NPAS3: variants seen among roughly 807,000 people sequenced by gnomAD.
NPAS3 encodes the protein neuronal PAS domain-containing protein 3.
NPAS3 carries 14 observed loss-of-function variants against 73.1 expected under a neutral mutation model. The ratio of observed to expected loss-of-function variants is 0.19; its 90% confidence interval spans 0.13 to 0.30. The LOEUF is 0.30. Among genes scored for constraint, NPAS3 ranks in the 10% least tolerant of loss-of-function variants. The pLI, the probability that NPAS3 is intolerant of heterozygous loss-of-function variation, is 1.00. For synonymous variants in NPAS3, 620 were observed against 541.5 expected, an observed-to-expected ratio of 1.14 and a Z score of -2.01; for missense variants, 1,096 against 1,250.0, an observed-to-expected ratio of 0.88 and a Z score of 1.86.
chr14:33,133,654 C>A (rs911170705), intron 2 of NPAS3, among the ~76,000 whole-genome samples: 1 of 152,110 alleles, frequency 6.6e-6, no homozygotes, highest in Admixed American at 6.5e-5. Flanking sequence ...GTAAACTTGT[C>A]CGTAGTTTGT....
At position 33,800,918 on chromosome 14, in the gene NPAS3, A is replaced by G; in HGVS notation, c.2611A>G (p.Met871Val). 1 of 1,608,674 alleles carries G rather than the reference A, an allele frequency of 6.2e-7. No individual in the cohort carries two copies. The highest frequency in any genetic ancestry group is 8.5e-7 in the Non-Finnish European group (1 of 1,178,064). Residue 871 changes from methionine (M) to valine (V), a missense_variant, in exon 12 of 12, where the codon ATG becomes GTG. By Grantham distance (21) the Met-to-Val change is conservative. Transcript: ENST00000356141. The surrounding 1 kb of genome is among the most constrained non-coding windows in gnomAD (Gnocchi z 6.5). ...CCTCGACCCCAAGACGCCCATGGAGATGCTCTACCACCACGTGCACCGGCT... is the reference window on the plus strand; with the variant it reads ...CCTCGACCCCAAGACGCCCATGGAGGTGCTCTACCACCACGTGCACCGGCT...
At chr14:33,442,437 TAC>T (rs2049295257) in intron 4 of NPAS3, among the ~76,000 whole-genome samples, 1 of 151,970 alleles carries the variant, frequency 6.6e-6, no homozygotes, top group Non-Finnish European at 1.5e-5. Flanking sequence ...ATTAAAAAAC[TAC>T]AGTTAAGCCA....
At chr14:33,398,356 G>T (rs2047310519) in intron 4 of NPAS3, among the ~76,000 whole-genome samples, 1 of 149,752 alleles carries the variant, frequency 6.7e-6, no homozygotes, top group Non-Finnish European at 1.5e-5. Context: ...AATGAATTTT[G>T]AATCCTCTGT....
intron 2 of NPAS3, among the ~76,000 whole-genome samples, chr14:33,103,947 G>A (rs1438823139): frequency 6.6e-6 from 1 of 152,076 alleles, no homozygotes; most frequent in Non-Finnish European, 1.5e-5. Context: ...TAAAGGAAAA[G>A]GGGGAAAAAT....
intron 4 of NPAS3, among the ~76,000 whole-genome samples, chr14:33,469,265 C>T (rs1189976037): frequency 1.3e-5 from 2 of 149,454 alleles, no homozygotes; most frequent in Admixed American, 1.3e-4. Flanking sequence ...CCTTCCTATC[C>T]ACAGCCATGA....
At chr14:32,991,661 A>G (rs1308172588) in intron 1 of NPAS3, among the ~76,000 whole-genome samples, 1 of 152,234 alleles carries the variant, frequency 6.6e-6, no homozygotes, top group East Asian at 1.9e-4. Context: ...CATTTAGATC[A>G]TAACCCATGA....
intron 1 of NPAS3, among the ~76,000 whole-genome samples, chr14:32,943,174 C>CT (rs965753312): frequency 2.3e-4 from 34 of 146,460 alleles, no homozygotes; most frequent in Admixed American, 6.1e-4. Context: ...TTATTCGATA[C>CT]TTTTTTTTTT....
At chr14:33,077,775 T>TTTTTTTTTTTTTG (rs2041712422) in intron 2 of NPAS3, among the ~76,000 whole-genome samples, 1 of 25,486 alleles carries the variant, frequency 3.9e-5, no homozygotes, top group Non-Finnish European at 7.5e-5. Flanking sequence ...GCAGTAAGGG[T>TTTTTTTTTTTTTG]TTTTTTTTTT....
chr14:33,396,830 A>ATTGCAC lies in NPAS3; in HGVS notation c.468+29564_468+29565insGCACTT, dbSNP rs2047243623. ...GAATATAAGTGCAATGTGTACATAT[A>ATTGCAC]TTATATCTGTCCATGAAAACTAGCT... is the stretch of plus-strand genomic sequence containing the variant. On this transcript the variant is annotated intron_variant, in intron 4 of 11. Transcript: ENST00000356141. 4.8e-5 allele frequency among the ~76,000 whole-genome samples: 6 copies of ATTGCAC among 124,710 alleles called. No individual in the cohort carries two copies. The Admixed American group carries it at 5.1e-4, about 11-fold the overall frequency. 81.8% of individuals were successfully genotyped at this position (124,710 alleles called of 152,430 possible).
intron 6 of NPAS3, chr14:33,680,747 A>G (rs2059912411): frequency 1.5e-6 from 1 of 671,976 alleles, no homozygotes; most frequent in Non-Finnish European, 2.7e-6. Flanking sequence ...CATAGAGGGG[A>G]AAATCAATAC....
chr14:33,745,252 C>T (rs2061759400), intron 7 of NPAS3, among the ~76,000 whole-genome samples: 13 of 152,078 alleles, frequency 8.5e-5, no homozygotes, highest in Admixed American at 8.5e-4. Context: ...AGAGAAGAAC[C>T]ACAGTATCTG....
At chr14:33,469,628 T>C (rs1381558945) in intron 4 of NPAS3, among the ~76,000 whole-genome samples, 1 of 152,182 alleles carries the variant, frequency 6.6e-6, no homozygotes, top group African/African-American at 2.4e-5. Context: ...TTCTTCTTTA[T>C]AGCATGGATC....
chr14:32,998,316 C>T (rs1263487216), intron 1 of NPAS3, among the ~76,000 whole-genome samples: 2 of 152,242 alleles, frequency 1.3e-5, no homozygotes, highest in East Asian at 3.9e-4. Flanking sequence ...ATGAAATATT[C>T]AGAATAGGTA....
chr14:33,316,070 T>C (rs1361115896), intron 3 of NPAS3, among the ~76,000 whole-genome samples: 1 of 152,138 alleles, frequency 6.6e-6, no homozygotes, highest in African/African-American at 2.4e-5. Flanking sequence ...AATTATCTTT[T>C]ATACATTAAA....
At chr14:32,947,331 G>A (rs773691426) in intron 1 of NPAS3, among the ~76,000 whole-genome samples, 2 of 152,022 alleles carry the variant, frequency 1.3e-5, no homozygotes, top group Non-Finnish European at 2.9e-5. Context: ...TTCAATGGTG[G>A]CAAGTGGAAT....
chr14:33,639,217 CA>C (rs1306017925), intron 5 of NPAS3, among the ~76,000 whole-genome samples: 1 of 152,050 alleles, frequency 6.6e-6, no homozygotes, highest in African/African-American at 2.4e-5. Flanking sequence ...AGTATAAGAG[CA>C]AAAGCCCAAT....
At chr14:33,675,656 G>A (rs1171611197) in intron 5 of NPAS3, among the ~76,000 whole-genome samples, 1 of 152,122 alleles carries the variant, frequency 6.6e-6, no homozygotes, top group Non-Finnish European at 1.5e-5. Flanking sequence ...AATTTTTAAT[G>A]AAAACATTAT....
chr14:33,492,246 G>A (rs916963523), intron 4 of NPAS3, among the ~76,000 whole-genome samples: 12 of 152,106 alleles, frequency 7.9e-5, no homozygotes, highest in Admixed American at 2.6e-4. Context: ...CACCCCCACT[G>A]TGGTAATACC....
chr14:33,373,195 G>T (rs1258615062), intron 4 of NPAS3, among the ~76,000 whole-genome samples: 1 of 152,100 alleles, frequency 6.6e-6, no homozygotes, highest in African/African-American at 2.4e-5. Flanking sequence ...CAGCAGAAAG[G>T]TTTAAGTTTC....
Sources: gnomAD v4.1 joint callset for allele counts (sites outside exome capture counted in the v4.1 genomes callset) on GRCh38, gnomAD v4.1.1 for gene constraint, Gnocchi (gnomAD v3.1) non-coding constraint, MANE v1.5 for transcripts, NCBI Gene and HGNC (gene_info 2026-07-23, HGNC 2026-07-21) for gene names.